PLA2G4C: variants seen among roughly 807,000 people sequenced by gnomAD.
The protein encoded by PLA2G4C is phospholipase A2 group IVC, also known as cytosolic phospholipase A2 gamma.
A neutral mutation model predicts 73.8 loss-of-function variants in PLA2G4C; 64 were observed. That is an observed-to-expected ratio of 0.87 (90% CI 0.71 to 1.07). The LOEUF is 1.07. PLA2G4C is among the 50% of genes least tolerant of loss of function. The probability of loss-of-function intolerance (pLI) is 0.00; values close to 1 mark genes in which losing one functional copy is unlikely to be tolerated. For missense variants in PLA2G4C, 622 were observed against 665.4 expected, an observed-to-expected ratio of 0.93 and a Z score of 0.72; for synonymous variants, 254 against 252.1, an observed-to-expected ratio of 1.01 and a Z score of -0.07.
At chr19:48,093,742 A>G (rs1383686842) in intron 7 of PLA2G4C, among the ~76,000 whole-genome samples, 1 of 152,032 alleles carries the variant, frequency 6.6e-6, no homozygotes, top group East Asian at 1.9e-4. Flanking sequence ...TTATGTCCCC[A>G]CCCAAATCTC....
chr19:48,066,475 T>G (rs919535742), intron 13 of PLA2G4C, among the ~76,000 whole-genome samples: 1 of 152,084 alleles, frequency 6.6e-6, no homozygotes, highest in Admixed American at 6.6e-5. Context: ...AAGTCCTGTG[T>G]GCCTTGTAGG....
chr19:48,067,673 C>T (rs1314471843), intron 13 of PLA2G4C, 118 bp downstream of exon 13: 2 of 744,126 alleles, frequency 2.7e-6, no homozygotes, highest in Non-Finnish European at 4.9e-6. Context: ...GACACCACCC[C>T]CCTCCAAAGC....
intron 9 of PLA2G4C, among the ~76,000 whole-genome samples, chr19:48,087,014 C>A (rs1447741029): frequency 1.3e-5 from 2 of 152,172 alleles, no homozygotes; most frequent in Non-Finnish European, 2.9e-5. Flanking sequence ...TTCCCAAGAA[C>A]CAGCCTGAAG....
intron 8 of PLA2G4C, among the ~76,000 whole-genome samples, chr19:48,089,300 G>T (rs147007095): frequency 6.6e-6 from 1 of 152,208 alleles, no homozygotes; most frequent in African/African-American, 2.4e-5. Flanking sequence ...GGTGGTGCGC[G>T]CCTGTAGTCC....
At chr19:48,070,519 TAAGG>T (rs1410558864) in intron 12 of PLA2G4C, among the ~76,000 whole-genome samples, 1 of 152,056 alleles carries the variant, frequency 6.6e-6, no homozygotes, top group African/African-American at 2.4e-5. Flanking sequence ...GTAGACTGGA[TAAGG>T]AAAATGTGGC....
chr19:48,095,360 C>T, intron 7 of PLA2G4C, 104 bp downstream of exon 7: 2 of 1,074,866 alleles, frequency 1.9e-6, no homozygotes, highest in Non-Finnish European at 2.8e-6. Context: ...TTTTCTTTCC[C>T]CCAAGAAATT....
intron 15 of PLA2G4C, among the ~76,000 whole-genome samples, chr19:48,053,995 A>G (rs1327633597): frequency 2.0e-5 from 3 of 152,132 alleles, no homozygotes; most frequent in African/African-American, 7.2e-5. Context: ...CTGCAGAGAG[A>G]GGCAGCAACA....
In PLA2G4C at chr19:48,052,996, C is replaced by A; in HGVS notation, c.1580+1G>T. 1.9e-6 allele frequency: 3 copies of A among 1,606,078 alleles called. No homozygotes were observed. The highest frequency in any genetic ancestry group is 2.6e-6 in the Non-Finnish European group (3 of 1,174,024). Reference sequence around the variant, plus strand: ...CAGAGCGACTATGGTCTCCCACCTACCCGGCCACGTTCATCAACTCTCTAA... The same window carrying A: ...CAGAGCGACTATGGTCTCCCACCTAACCGGCCACGTTCATCAACTCTCTAA... On this transcript the variant is annotated splice_donor_variant, in intron 16 of 16. Coordinates refer to ENST00000599921, the MANE Select transcript of PLA2G4C (RefSeq NM_003706.3). LOFTEE classifies it high-confidence loss of function.
At chr19:48,105,145 G>GAGA (rs113124055) in intron 3 of PLA2G4C, among the ~76,000 whole-genome samples, 188 bp downstream of exon 3, 47,264 of 149,564 alleles carry the variant, frequency 0.32, 11,004 homozygotes, top group African/African-American at 0.66. Flanking sequence ...GGAGGAGAAG[G>GAGA]AGGAGACCTA....
Position 48,062,131 on chromosome 19 carries a change from A to G in PLA2G4C, c.1124T>C (p.Met375Thr). The G allele has an allele frequency of 6.3e-7, 1 of 1,593,744 alleles. No individual in the cohort carries two copies. Among genetic ancestry groups the G allele is most frequent in the Non-Finnish European group, 8.6e-7 (1 of 1,169,188 alleles). Residue 375 changes from methionine (M) to threonine (T), a missense_variant, in exon 14 of 17, where the codon ATG becomes ACG. Met to Thr is a moderately conservative substitution (Grantham distance 81). Transcript: ENST00000599921. ...YKHGGIRDKIMSSRKHLHLVD... is the reference protein window; with the variant it reads ...YKHGGIRDKITSSRKHLHLVD... Reference sequence around the variant, plus strand: ...CAGGTGGAGGTGCTTCCGGCTGCTCATTATCTTGTCCCGGATGCCACCTGT... The same window carrying G: ...CAGGTGGAGGTGCTTCCGGCTGCTCGTTATCTTGTCCCGGATGCCACCTGT...
Position 48,048,227 on chromosome 19 carries a change from G to T in PLA2G4C, c.*116C>A. On this transcript the variant is annotated 3_prime_UTR_variant, in exon 17 of 17. Transcript: ENST00000599921. ...GATTGGCCCTGTTAGGACAGCCAAG[G>T]TGAACTCAAGGCCATGAAGCGTGTG... The T allele has an allele frequency of 1.4e-6, 1 of 715,932 alleles. No individual in the cohort carries two copies. Among genetic ancestry groups the T allele is most frequent in the Non-Finnish European group, 2.4e-6 (1 of 421,968 alleles). 44.3% of individuals were successfully genotyped at this position (715,932 alleles called of 1,614,324 possible).
chr19:48,074,686 A>G (rs1472163266), intron 12 of PLA2G4C, 81 bp downstream of exon 12: 8 of 926,810 alleles, frequency 8.6e-6, no homozygotes, highest in Middle Eastern at 2.2e-4. Context: ...GGACTGGCCC[A>G]CAGGGGTGGG....
chr19:48,071,688 A>G (rs949397194), intron 12 of PLA2G4C, among the ~76,000 whole-genome samples: 1 of 151,510 alleles, frequency 6.6e-6, no homozygotes, highest in African/African-American at 2.4e-5. Context: ...GCCTCAAGCG[A>G]CCCTCCCGCC....
At chr19:48,102,839 C>T (rs529921066) in intron 4 of PLA2G4C, among the ~76,000 whole-genome samples, 3 of 152,308 alleles carry the variant, frequency 2.0e-5, no homozygotes, top group African/African-American at 7.2e-5. Context: ...TTTCCATTTC[C>T]TCTGTGTGTC....
rs117249490 is a variant in PLA2G4C at position 48,060,164 on chromosome 19, T to C, written c.1257+1834A>G. On this transcript the variant is annotated intron_variant, in intron 14 of 16. Transcript: ENST00000599921. ...AGACGGCCTATTGTAGGACTCCACC[T>C]TGTGATCCTGAAACTCCCTTTCATC... Among the ~76,000 whole-genome samples, 172 of 152,244 alleles carry C rather than the reference T, an allele frequency of 1.1e-3. 1 individual carries two copies. Among genetic ancestry groups the C allele is most frequent in the Middle Eastern group, 3.4e-3 (1 of 294 alleles).
At position 48,110,759 on chromosome 19, in the gene PLA2G4C, C is replaced by G. The variant is rs1424152354; in HGVS notation, c.-305G>C. On this transcript the variant is annotated 5_prime_UTR_variant, in exon 1 of 17. Coordinates refer to ENST00000599921, the MANE Select transcript of PLA2G4C (RefSeq NM_003706.3). ...ACCTGGAGGTAAAATGGCCCCTGCG[C>G]CTTTAAACAGCCCTCCTCGGCTTGT... The G allele has an allele frequency of 2.4e-6, 1 of 421,124 alleles. No individual in the cohort carries two copies. Among genetic ancestry groups the G allele is most frequent in the Admixed American group, 4.4e-5 (1 of 22,542 alleles). The allele number at this position is 421,124 out of a possible 1,614,324, so 26.1% of individuals were successfully genotyped here.
intron 10 of PLA2G4C, among the ~76,000 whole-genome samples, chr19:48,082,784 C>T (rs1312382890): frequency 6.6e-6 from 1 of 150,996 alleles, no homozygotes; most frequent in Non-Finnish European, 1.5e-5. Context: ...CAGGCGTGAG[C>T]CACTGTGCCC....
rs534746461 is a variant in PLA2G4C at position 48,058,427 on chromosome 19, C to T, written c.1258-3378G>A. Among the ~76,000 whole-genome samples the T allele has an allele frequency of 3.1e-4, 47 of 152,126 alleles. No homozygotes were observed. The South Asian group carries it at 5.6e-3, about 18-fold the overall frequency. ...CACTGAGATTACAGGAGTGAGCCAC[C>T]GTACCCAGCCACTTTTCTACACATA... On this transcript the variant is annotated intron_variant, in intron 14 of 16. Transcript: ENST00000599921.
chr19:48,050,473 G>C (rs1967681924), intron 16 of PLA2G4C, among the ~76,000 whole-genome samples: 1 of 151,936 alleles, frequency 6.6e-6, no homozygotes. Context: ...CAGGAGCTAG[G>C]GTGGGCCTTT....
Sources: gnomAD v4.1 joint callset for allele counts (sites outside exome capture counted in the v4.1 genomes callset) on GRCh38, gnomAD v4.1.1 for gene constraint, MANE v1.5 for transcripts, NCBI Gene and HGNC (gene_info 2026-07-23, HGNC 2026-07-21) for gene names.